Variants in C17orf75 observed in about 807,000 individuals in gnomAD.
The protein encoded by C17orf75 is chromosome 17 open reading frame 75, also known as protein Njmu-R1.
In C17orf75, 32 loss-of-function variants were observed where a neutral mutation model predicts 49.6. The observed-to-expected ratio is 0.65, with a 90% confidence interval of 0.49 to 0.87. The LOEUF (loss-of-function observed/expected upper bound fraction) is 0.87. C17orf75 is among the 40% of genes least tolerant of loss of function. C17orf75 has a pLI of 0.00. For missense variants in C17orf75, 428 were observed against 473.9 expected (o/e 0.90, Z 0.90); for synonymous variants, 158 against 159.5 (o/e 0.99, Z 0.07).
rs185104080 is a variant in C17orf75, at chr17:32,331,390, T to C, written c.*373A>G. The C allele has an allele frequency of 5.9e-4, 121 of 204,002 alleles. No individual in the cohort carries two copies. The highest frequency in any genetic ancestry group is 2.7e-3 in the African/African-American group (117 of 42,802). 12.6% of individuals were successfully genotyped at this position (204,002 alleles called of 1,614,324 possible). A position where few individuals can be genotyped will look rare whatever the true frequency, so the allele number is the denominator to read the frequency against. ...TTTTTTTTAAGAAGCTACAGTCCAC[T>C]GAAAAGGAAGTATTATGGTTTTTCT... On this transcript the variant is annotated 3_prime_UTR_variant, in exon 10 of 10. Transcript: ENST00000577809.
intron 8 of C17orf75, among the ~76,000 whole-genome samples, chr17:32,333,835 AGTG>A (rs1567802072): frequency 1.3e-5 from 2 of 152,190 alleles, no homozygotes; most frequent in Admixed American, 1.3e-4. Context: ...CTAAAAAAAC[AGTG>A]TGCTCACCAC....
At chr17:32,335,167 T>C (rs554689154) in intron 6 of C17orf75, among the ~76,000 whole-genome samples, 156 bp downstream of exon 6, 21 of 152,348 alleles carry the variant, frequency 1.4e-4, no homozygotes, top group African/African-American at 4.6e-4. Context: ...TATCACTTTC[T>C]AGATCTGAGA....
At chr17:32,347,678 T>C (rs553174531) in intron 1 of C17orf75, among the ~76,000 whole-genome samples, 3 of 152,100 alleles carry the variant, frequency 2.0e-5, no homozygotes, top group Admixed American at 6.6e-5. Context: ...GCATCCTCAT[T>C]TGGTTGAGGC....
rs1597731409 is a variant in C17orf75, at chr17:32,331,001, C to G, written c.*762G>C. 6.6e-6 allele frequency: 1 copy of G among 152,502 alleles called. No individual in the cohort carries two copies. Among genetic ancestry groups the G allele is most frequent in the East Asian group, 1.9e-4 (1 of 5,200 alleles). The allele number at this position is 152,502 out of a possible 1,614,324, so 9.4% of individuals were successfully genotyped here. A position where few individuals can be genotyped will look rare whatever the true frequency, so the allele number is the denominator to read the frequency against. ...AGTAGCTGGGACTACAGGCGCCCGC[C>G]ACCATGCCCGGCTAATTTTTTGTAT... On this transcript the variant is annotated 3_prime_UTR_variant, in exon 10 of 10. Coordinates refer to ENST00000577809, the MANE Select transcript of C17orf75 (RefSeq NM_022344.4).
At position 32,328,907 on chromosome 17, in the gene C17orf75, CAA is replaced by C. The variant is rs113366274; in HGVS notation, c.*2854_*2855del. The C allele has an allele frequency of 3.4e-5, 5 of 147,232 alleles. No individual in the cohort carries two copies. The highest frequency in any genetic ancestry group is 9.8e-5 in the African/African-American group (4 of 40,632). 9.1% of individuals were successfully genotyped at this position (147,232 alleles called of 1,614,324 possible). On this transcript the variant is annotated 3_prime_UTR_variant, in exon 10 of 10. Transcript: ENST00000577809. The stretch of plus-strand genomic sequence containing the variant: ...TCTGTCTTAAAAAATAAAACAAAAA[CAA>C]AAAAAAAAACAACTTTAAAAGCCAA...
At chr17:32,334,334 G>A in intron 8 of C17orf75, 135 bp downstream of exon 8, 1 of 1,125,326 alleles carries the variant, frequency 8.9e-7, no homozygotes, top group Admixed American at 3.4e-5. Flanking sequence ...TTTTCACCAA[G>A]TGGTTTCTCA....
In C17orf75 at chr17:32,335,461, T is replaced by C; in HGVS notation, c.550-19A>G. The C allele has an allele frequency of 1.2e-6, 2 of 1,611,490 alleles. No homozygotes were observed. Among genetic ancestry groups the C allele is most frequent in the Non-Finnish European group, 1.7e-6 (2 of 1,179,186 alleles). Reference sequence around the variant, plus strand: ...CCCTTGCCTAAATCAAGAAAGAACATCATTTGCTTTAATATAAGCCTTTCC... The same window carrying C: ...CCCTTGCCTAAATCAAGAAAGAACACCATTTGCTTTAATATAAGCCTTTCC... On this transcript the variant is annotated intron_variant, in intron 5 of 9. Coordinates refer to ENST00000577809, the MANE Select transcript of C17orf75 (RefSeq NM_022344.4).
chr17:32,344,296 G>A (rs930722867), upstream of C17orf75, among the ~76,000 whole-genome samples: 2 of 152,140 alleles, frequency 1.3e-5, no homozygotes, highest in African/African-American at 4.8e-5. Context: ...ACCATGCCCA[G>A]GTGGTACGTG....
chr17:32,341,878 A>G, intron 1 of C17orf75, 122 bp downstream of exon 1: 5 of 1,084,528 alleles, frequency 4.6e-6, no homozygotes, highest in Non-Finnish European at 5.6e-6. Context: ...CTGGGAGAGG[A>G]GAAGATGGCT....
Position 32,329,787 on chromosome 17 carries a change from G to C in C17orf75, c.*1976C>G, listed in dbSNP as rs975359954. ...CCAAGTGGGGAACCAACTACATTGG[G>C]AAAAGACAGTCAGATTCAAGGACAG... On this transcript the variant is annotated 3_prime_UTR_variant, in exon 10 of 10. Transcript: ENST00000577809. 1 of 152,156 alleles carries C rather than the reference G, an allele frequency of 6.6e-6. No homozygotes were observed. The highest frequency in any genetic ancestry group is 2.4e-5 in the African/African-American group (1 of 41,444). 9.4% of individuals were successfully genotyped at this position (152,156 alleles called of 1,614,324 possible). A position where few individuals can be genotyped will look rare whatever the true frequency, so the allele number is the denominator to read the frequency against.
chr17:32,336,141 C>A (rs1232730199), intron 5 of C17orf75, among the ~76,000 whole-genome samples: 1 of 152,196 alleles, frequency 6.6e-6, no homozygotes, highest in Non-Finnish European at 1.5e-5. Flanking sequence ...AAAAGTATAA[C>A]TTCTACTATA....
At chr17:32,335,229 G>A in intron 6 of C17orf75, 94 bp downstream of exon 6, 1 of 1,421,822 alleles carries the variant, frequency 7.0e-7, no homozygotes, top group Non-Finnish European at 9.6e-7. Context: ...TATTTGGGGA[G>A]GGATGGGAGT....
chr17:32,340,613 C>T (rs2041369581), intron 2 of C17orf75, among the ~76,000 whole-genome samples: 1 of 151,214 alleles, frequency 6.6e-6, no homozygotes, highest in Non-Finnish European at 1.5e-5. Context: ...CCACTGCACT[C>T]CAGACTGGGC....
chr17:32,348,867 CT>C lies in C17orf75; in HGVS notation c.-7+1074del, dbSNP rs561014138. On this transcript the variant is annotated intron_variant, in intron 1 of 8. Coordinates refer to the C17orf75 transcript ENST00000583774. ...CAGCACCTTCACTGACAGCTCCAGT[CT>C]TTTTTTTTTTTTTTTGAGACGGAGT... Among the ~76,000 whole-genome samples the C allele has an allele frequency of 1.7e-3, 188 of 108,836 alleles. 2 individuals are homozygous for C. The highest frequency in any genetic ancestry group is 5.7e-3 in the Admixed American group (56 of 9,836). 71.4% of individuals were successfully genotyped at this position (108,836 alleles called of 152,430 possible).
chr17:32,345,144 T>G (rs534706032), upstream of C17orf75, among the ~76,000 whole-genome samples: 5 of 152,182 alleles, frequency 3.3e-5, no homozygotes, highest in Non-Finnish European at 4.4e-5. Flanking sequence ...TCCTCACGTC[T>G]TTATTGTATT....
Position 32,334,538 on chromosome 17 carries a change from T to C in C17orf75, c.802A>G (p.Met268Val), listed in dbSNP as rs1432339373. ...EGTMTSLCMAMTEEQHKSVVI... is the reference protein window; with the variant it reads ...EGTMTSLCMAVTEEQHKSVVI... The stretch of plus-strand genomic sequence containing the variant: ...ACAGACTTATGCTGCTCCTCTGTCA[T>C]GGCCATGCACAAAGAAGTCATGGTG... Residue 268 changes from methionine (M) to valine (V), a missense_variant, in exon 8 of 10, where the codon ATG (methionine) becomes GTG (valine). Coordinates refer to ENST00000577809, the MANE Select transcript of C17orf75 (RefSeq NM_022344.4). 2 of 1,612,514 alleles carry C rather than the reference T, an allele frequency of 1.2e-6. No individual in the cohort carries two copies. The highest frequency in any genetic ancestry group is 1.7e-6 in the Non-Finnish European group (2 of 1,179,392).
intron 6 of C17orf75, 43 bp downstream of exon 6, chr17:32,335,280 G>A (rs1428559448): frequency 3.1e-6 from 5 of 1,604,590 alleles, no homozygotes; most frequent in Non-Finnish European, 3.4e-6. Context: ...ATCATCCAAA[G>A]TGATTCTCAG....
At chr17:32,336,031 G>A (rs887841085) in intron 5 of C17orf75, among the ~76,000 whole-genome samples, 1 of 152,184 alleles carries the variant, frequency 6.6e-6, no homozygotes, top group Non-Finnish European at 1.5e-5. Flanking sequence ...TGTCACACAC[G>A]AAGAGCTCTA....
Position 32,330,523 on chromosome 17 carries a change from G to T in C17orf75, c.*1240C>A, listed in dbSNP as rs989595352. On this transcript the variant is annotated 3_prime_UTR_variant, in exon 10 of 10. Transcript: ENST00000577809. ...GAGCTATCCCGAGCAAATTGCAATT[G>T]TATGTATGTAGCTACATAGGCTTCC... The T allele has an allele frequency of 1.3e-5, 2 of 152,198 alleles. No homozygotes were observed. The highest frequency in any genetic ancestry group is 2.9e-5 in the Non-Finnish European group (2 of 68,048). The allele number at this position is 152,198 out of a possible 1,614,324, so 9.4% of individuals were successfully genotyped here.
Sources: allele counts gnomAD v4.1 joint callset (sites outside exome capture counted in the v4.1 genomes callset), GRCh38; gene constraint gnomAD v4.1.1; transcripts MANE v1.5; gene names NCBI Gene and HGNC (gene_info 2026-07-23, HGNC 2026-07-21).